The following RPS6KA3 variants were observed in gnomAD, a reference collection of about 807,000 sequenced individuals.
RPS6KA3 encodes the protein ribosomal protein S6 kinase alpha-3.
Under a neutral mutation model 67.2 loss-of-function variants are expected in RPS6KA3, and 4 were observed. The observed-to-expected ratio is 0.06, with a 90% CI of 0.03 to 0.14. The LOEUF (loss-of-function observed/expected upper bound fraction) is 0.14, where lower values mean the gene tolerates loss of function less well. Among genes scored for constraint, RPS6KA3 ranks in the 10% least tolerant of loss-of-function variants. The pLI, the probability that RPS6KA3 is intolerant of heterozygous loss-of-function variation, is 1.00. For synonymous variants in RPS6KA3, 182 were observed against 183.7 expected, an observed-to-expected ratio of 0.99 and a Z score of 0.07; for missense variants, 204 against 559.0, an observed-to-expected ratio of 0.36 and a Z score of 6.40.
rs2069413112 is a variant in RPS6KA3, at chrX:20,236,424, T to C, written c.70-1610A>G. Among the ~76,000 whole-genome samples the C allele has an allele frequency of 1.8e-5, 2 of 111,515 alleles. 1 individual carries two copies. Among genetic ancestry groups the C allele is most frequent in the South Asian group, 7.5e-4 (2 of 2,666 alleles). On this transcript the variant is annotated intron_variant, in intron 1 of 21. Transcript: ENST00000379565. ...CTTTGGAACATTATCACCTGGGAAA[T>C]AAAAGGCAGCCCACCTATCACCTCA...
chrX:20,155,865 T>A (rs780067605), intron 21 of RPS6KA3, among the ~76,000 whole-genome samples: 2 of 112,323 alleles, frequency 1.8e-5, no homozygotes, highest in Non-Finnish European at 3.8e-5. Context: ...AAGCTTAATC[T>A]GTCCTTATTG....
chrX:20,253,335 T>C (rs952762945), intron 1 of RPS6KA3, among the ~76,000 whole-genome samples: 3 of 110,975 alleles, frequency 2.7e-5, no homozygotes, highest in Non-Finnish European at 1.9e-5. Context: ...CCCCAGTTGT[T>C]TGTCTAAAGG....
At chrX:20,228,633 C>T (rs1479256772) in intron 2 of RPS6KA3, among the ~76,000 whole-genome samples, 1 of 111,297 alleles carries the variant, frequency 9.0e-6, no homozygotes, top group Non-Finnish European at 1.9e-5. Context: ...TCTCTGTTTT[C>T]AGCCCCATGC....
chrX:20,264,408 T>C (rs1409062257), intron 1 of RPS6KA3, among the ~76,000 whole-genome samples: 1 of 112,131 alleles, frequency 8.9e-6, no homozygotes, highest in Non-Finnish European at 1.9e-5. Context: ...TACCCCGAAT[T>C]TTTCCACAAA....
rs2067087593 is a variant in RPS6KA3 at position 20,150,581 on chromosome X, T to C, written c.*4817A>G. 8.9e-6 allele frequency: 1 copy of C among 112,545 alleles called. No homozygotes were observed. Among genetic ancestry groups the C allele is most frequent in the African/African-American group, 3.2e-5 (1 of 30,951 alleles). 9.3% of individuals were successfully genotyped at this position (112,545 alleles called of 1,213,427 possible). ...ACAGAAACACAAACCAAAATCTTTA[T>C]GCCCTTGCTTTGTACGTGAAAGTTC... On this transcript the variant is annotated 3_prime_UTR_variant, in exon 22 of 22. Coordinates refer to ENST00000379565, the MANE Select transcript of RPS6KA3 (RefSeq NM_004586.3).
In RPS6KA3 at chrX:20,172,803, G is replaced by A. The variant is rs373738591; in HGVS notation, c.1296C>T (p.Ser432=). 16 of 1,192,901 alleles carry A rather than the reference G, an allele frequency of 1.3e-5. No individual in the cohort carries two copies. Among genetic ancestry groups the A allele is most frequent in the Non-Finnish European group, 1.7e-5 (15 of 879,904 alleles). Residue 432 remains serine (S), a synonymous_variant, in exon 15 of 22, where the codon TCC becomes TCT. Coordinates refer to ENST00000379565, the MANE Select transcript of RPS6KA3 (RefSeq NM_004586.3). The part of the protein sequence containing the change: ...YEVKEDIGVG[S]YSVCKRCIHK... The stretch of plus-strand genomic sequence containing the variant: ...GTATACATCTCTTGCAAACAGAGTA[G>A]GAGCCAACTCCAATATCTTCTTTTA...
intron 21 of RPS6KA3, 131 bp from the exon 22 acceptor site, chrX:20,155,651 A>G: frequency 1.2e-6 from 1 of 809,703 alleles, no homozygotes; most frequent in Non-Finnish European, 1.8e-6. Flanking sequence ...AAATAACCAC[A>G]CTGGTCAAAT....
upstream of RPS6KA3, chrX:20,266,934 A>G (rs2070413828): frequency 1.4e-5 from 10 of 690,911 alleles, no homozygotes; most frequent in South Asian, 5.1e-4. Context: ...CGCCGCCGGG[A>G]CTACGGCTCC....
intron 2 of RPS6KA3, among the ~76,000 whole-genome samples, chrX:20,218,227 G>A (rs997258677): frequency 2.7e-5 from 3 of 111,774 alleles, no homozygotes; most frequent in African/African-American, 9.8e-5. Context: ...CATCCACTAA[G>A]CCCATTTTAA....
At position 20,190,561 on chromosome X, in the gene RPS6KA3, T is replaced by G. The variant is rs752480053; in HGVS notation, c.594-2027A>C. Among the ~76,000 whole-genome samples the G allele has an allele frequency of 1.6e-4, 18 of 111,966 alleles. No individual in the cohort carries two copies. In the South Asian group the frequency reaches 6.6e-3, roughly 41 times the overall value. ...GGTAAATATATTCAATTAAATAGTA[T>G]AAAACACACATTTTTATGAATGTTT... is the stretch of plus-strand genomic sequence containing the variant. On this transcript the variant is annotated intron_variant, in intron 7 of 21. Coordinates refer to ENST00000379565, the MANE Select transcript of RPS6KA3 (RefSeq NM_004586.3).
chrX:20,267,025 C>T, upstream of RPS6KA3: 1 of 754,510 alleles, frequency 1.3e-6, no homozygotes, highest in Non-Finnish European at 1.6e-6. Flanking sequence ...CACAACATGG[C>T]GCCTAAGCGA....
At chrX:20,200,943 A>C (rs1016801648) in intron 4 of RPS6KA3, among the ~76,000 whole-genome samples, 13 of 110,685 alleles carry the variant, frequency 1.2e-4, no homozygotes, top group Non-Finnish European at 2.5e-4. Context: ...TCAGCCTCCC[A>C]AAGTGCTGAA....
chrX:20,189,138 C>T (rs1453200823), intron 7 of RPS6KA3, among the ~76,000 whole-genome samples: 4 of 109,644 alleles, frequency 3.6e-5, no homozygotes, highest in Non-Finnish European at 7.6e-5. Context: ...TTTTTTTTTC[C>T]TGACACAACC....
intron 21 of RPS6KA3, 131 bp downstream of exon 21, chrX:20,155,978 C>T (rs2067178695): frequency 1.4e-6 from 1 of 722,440 alleles, no homozygotes; most frequent in Non-Finnish European, 2.2e-6. Context: ...TCGAAGTCAC[C>T]CACTGTAAGA....
At chrX:20,167,289 A>G (rs2067465185) in intron 17 of RPS6KA3, among the ~76,000 whole-genome samples, 1 of 111,741 alleles carries the variant, frequency 8.9e-6, no homozygotes, top group Non-Finnish European at 1.9e-5. Context: ...TCTAACCTGA[A>G]GTGGGCCTGG....
intron 2 of RPS6KA3, among the ~76,000 whole-genome samples, chrX:20,225,246 T>TG (rs1569250045): frequency 2.2e-4 from 19 of 87,053 alleles, no homozygotes; most frequent in African/African-American, 7.3e-4. Flanking sequence ...TTTTTTTGTT[T>TG]TTTTTTTTGT....
At chrX:20,227,137 C>T (rs956735847) in intron 2 of RPS6KA3, among the ~76,000 whole-genome samples, 6 of 111,371 alleles carry the variant, frequency 5.4e-5, no homozygotes, top group Non-Finnish European at 9.4e-5. Flanking sequence ...TTCTATTCCC[C>T]CACCTCTTCC....
chrX:20,189,810 C>CA (rs1373391705), intron 7 of RPS6KA3, among the ~76,000 whole-genome samples: 2 of 112,017 alleles, frequency 1.8e-5, no homozygotes, highest in Non-Finnish European at 3.8e-5. Flanking sequence ...TTTACTATAA[C>CA]AAAAATATTA....
chrX:20,174,300 T>C lies in RPS6KA3; in HGVS notation c.1227+864A>G, dbSNP rs779825594. On this transcript the variant is annotated intron_variant, in intron 14 of 21. Transcript: ENST00000379565. ...ACATTTTGAGGCACAGGAGAGGATA[T>C]AGACAACATCGTCATGTTTATCTCA... is the stretch of plus-strand genomic sequence containing the variant. Among the ~76,000 whole-genome samples the C allele has an allele frequency of 1.4e-3, 158 of 110,492 alleles. 1 individual carries two copies. The highest frequency in any genetic ancestry group is 4.9e-3 in the African/African-American group (149 of 30,443).
Sources: gnomAD v4.1 joint callset for allele counts (sites outside exome capture counted in the v4.1 genomes callset) on GRCh38, gnomAD v4.1.1 for gene constraint, MANE v1.5 for transcripts, NCBI Gene and HGNC (gene_info 2026-07-23, HGNC 2026-07-21) for gene names.